MIGA1: variants seen among roughly 807,000 people sequenced by gnomAD.
MIGA1 encodes the protein mitoguardin 1, also known as family with sequence similarity 73, member A.
In MIGA1, 58 loss-of-function variants were observed where a neutral mutation model predicts 82.0. That is an observed-to-expected ratio of 0.71 (90% CI 0.57 to 0.88). The LOEUF (loss-of-function observed/expected upper bound fraction) is 0.88, where lower values mean the gene tolerates loss of function less well. MIGA1 is among the 40% of genes least tolerant of loss of function. The pLI is 0.00. For missense variants in MIGA1, 751 were observed against 749.1 expected (o/e 1.00, Z -0.03); for synonymous variants, 249 against 253.6 (o/e 0.98, Z 0.17).
At chr1:77,805,258 G>A (rs1328597873) in intron 4 of MIGA1, among the ~76,000 whole-genome samples, 3 of 151,182 alleles carry the variant, frequency 2.0e-5, no homozygotes, top group Admixed American at 2.0e-4. Flanking sequence ...GCCTCCCAAA[G>A]AGCTGGGATT....
At chr1:77,819,646 C>T (rs1470672918) in intron 7 of MIGA1, among the ~76,000 whole-genome samples, 2 of 151,746 alleles carry the variant, frequency 1.3e-5, no homozygotes, top group South Asian at 2.1e-4. Flanking sequence ...TGCAGTGGCT[C>T]GATCTTGACG....
intron 2 of MIGA1, among the ~76,000 whole-genome samples, chr1:77,785,639 G>A (rs965932366): frequency 5.3e-5 from 8 of 152,046 alleles, no homozygotes; most frequent in African/African-American, 1.2e-4. Context: ...CACTGCACCC[G>A]GCCAGGGCAG....
chr1:77,866,950 G>C (rs1254766525), intron 14 of MIGA1, among the ~76,000 whole-genome samples: 1 of 152,056 alleles, frequency 6.6e-6, no homozygotes, highest in African/African-American at 2.4e-5. Context: ...AAAGTGCTGG[G>C]ATTACAGGTG....
intron 7 of MIGA1, among the ~76,000 whole-genome samples, chr1:77,815,771 C>T (rs1683549450): frequency 6.6e-6 from 1 of 151,658 alleles, no homozygotes; most frequent in Non-Finnish European, 1.5e-5. Context: ...TATCTGTTGC[C>T]CAGGTGGGAG....
In MIGA1 at chr1:77,875,133, T is replaced by C; in HGVS notation, c.*69T>C. ...TAAGGTAACTATTGATTTTGTAACA[T>C]ATATTACAAAGTTAACAGAATTGAT... On this transcript the variant is annotated 3_prime_UTR_variant, in exon 16 of 16. Coordinates refer to ENST00000370791, the MANE Select transcript of MIGA1 (RefSeq NM_198549.4). The C allele has an allele frequency of 7.8e-7, 1 of 1,286,270 alleles. No individual in the cohort carries two copies. Among genetic ancestry groups the C allele is most frequent in the Non-Finnish European group, 1.1e-6 (1 of 908,758 alleles). The allele number at this position is 1,286,270 out of a possible 1,614,324, so 79.7% of individuals were successfully genotyped here.
At chr1:77,835,111 A>T (rs1470564979) in intron 7 of MIGA1, among the ~76,000 whole-genome samples, 21 of 152,228 alleles carry the variant, frequency 1.4e-4, no homozygotes, top group African/African-American at 4.8e-4. Flanking sequence ...TAGAAAACCC[A>T]CTTGGATTGG....
rs1189804559 is a variant in MIGA1 at position 77,866,327 on chromosome 1, C to A, written c.1510-11C>A. Reference sequence around the variant, plus strand: ...TATATATAAATCTTTCTTTTCTCTGCATGTATTTAGGCTGTGGCTTCAAGT... The same window carrying A: ...TATATATAAATCTTTCTTTTCTCTGAATGTATTTAGGCTGTGGCTTCAAGT... On this transcript the variant is annotated splice_polypyrimidine_tract_variant and intron_variant, in intron 13 of 15. Coordinates refer to ENST00000370791, the MANE Select transcript of MIGA1 (RefSeq NM_198549.4). The A allele has an allele frequency of 6.2e-7, 1 of 1,613,066 alleles. No individual in the cohort carries two copies. The highest frequency in any genetic ancestry group is 1.3e-5 in the African/African-American group (1 of 75,022).
intron 8 of MIGA1, among the ~76,000 whole-genome samples, chr1:77,857,761 A>G (rs1685319726): frequency 9.7e-6 from 1 of 103,178 alleles, no homozygotes; most frequent in Non-Finnish European, 1.9e-5. Context: ...TGGCTACTCT[A>G]CAGTGTTTGC....
chr1:77,790,396 AG>A (rs1682363047), intron 2 of MIGA1, among the ~76,000 whole-genome samples: 1 of 152,118 alleles, frequency 6.6e-6, no homozygotes, highest in South Asian at 2.1e-4. Context: ...TCTCCTGAGT[AG>A]CTGGGACTAC....
chr1:77,788,800 G>A (rs183603722), intron 2 of MIGA1, among the ~76,000 whole-genome samples: 3 of 152,268 alleles, frequency 2.0e-5, no homozygotes, highest in Admixed American at 2.0e-4. Context: ...TTACTGTTTT[G>A]ATTACTGTCG....
At chr1:77,795,719 T>A (rs1029460516) in intron 2 of MIGA1, among the ~76,000 whole-genome samples, 1 of 150,584 alleles carries the variant, frequency 6.6e-6, no homozygotes, top group African/African-American at 2.4e-5. Flanking sequence ...AACCTCTGCC[T>A]CCTGGGTTCA....
chr1:77,809,143 CAG>C (rs1160436182), intron 5 of MIGA1, among the ~76,000 whole-genome samples: 2 of 152,020 alleles, frequency 1.3e-5, no homozygotes, highest in Non-Finnish European at 2.9e-5. Flanking sequence ...ACAAAAACCT[CAG>C]AATATTAAAA....
chr1:77,791,644 A>G (rs1235805175), intron 2 of MIGA1, among the ~76,000 whole-genome samples: 3 of 148,966 alleles, frequency 2.0e-5, no homozygotes, highest in African/African-American at 7.4e-5. Flanking sequence ...GCTCATTGCA[A>G]CCTCAGTCTC....
At chr1:77,831,619 C>G (rs989062085) in intron 7 of MIGA1, among the ~76,000 whole-genome samples, 1 of 152,150 alleles carries the variant, frequency 6.6e-6, no homozygotes, top group African/African-American at 2.4e-5. Flanking sequence ...ATCTCTAAAA[C>G]CAGGAATAAC....
At chr1:77,787,818 C>CTTTTT (rs1348207073) in intron 2 of MIGA1, among the ~76,000 whole-genome samples, 25 of 138,166 alleles carry the variant, frequency 1.8e-4, no homozygotes, top group Non-Finnish European at 2.1e-4. Flanking sequence ...CTTTTCTTTT[C>CTTTTT]TTTTTTTTTT....
At chr1:77,784,011 A>G (rs1682036404) in intron 2 of MIGA1, among the ~76,000 whole-genome samples, 1 of 152,152 alleles carries the variant, frequency 6.6e-6, no homozygotes. Context: ...TTTAAGGTAG[A>G]ATAATATTTC....
In MIGA1 at chr1:77,822,967, C is replaced by T. The variant is rs574947339; in HGVS notation, c.895+7736C>T. 3.4e-4 allele frequency among the ~76,000 whole-genome samples: 51 copies of T among 151,752 alleles called. No homozygotes were observed. In the South Asian group the frequency reaches 8.3e-3, roughly 25 times the overall value. ...AAGCAATTCTCCTGCCTCAACCTCC[C>T]GAATAGTTGGTATTATAGGCGTGTG... On this transcript the variant is annotated intron_variant, in intron 7 of 15. Coordinates refer to ENST00000370791, the MANE Select transcript of MIGA1 (RefSeq NM_198549.4).
At chr1:77,799,271 A>G (rs1195928002) in intron 2 of MIGA1, among the ~76,000 whole-genome samples, 1 of 152,182 alleles carries the variant, frequency 6.6e-6, no homozygotes, top group Non-Finnish European at 1.5e-5. Context: ...AATGTACGGT[A>G]TTCAATAAAT....
chr1:77,871,482 A>G (rs1185497874), intron 14 of MIGA1, among the ~76,000 whole-genome samples: 2 of 151,996 alleles, frequency 1.3e-5, no homozygotes, highest in Non-Finnish European at 2.9e-5. Flanking sequence ...AGCCTGGGCG[A>G]CAGAGTGAGA....
Sources: allele counts gnomAD v4.1 joint callset (sites outside exome capture counted in the v4.1 genomes callset), GRCh38; gene constraint gnomAD v4.1.1; transcripts MANE v1.5; gene names NCBI Gene and HGNC (gene_info 2026-07-23, HGNC 2026-07-21).